The following SPNS3 variants were observed in gnomAD, a reference collection of about 807,000 sequenced individuals.
The protein encoded by SPNS3 is protein spinster homolog 3.
SPNS3 carries 51 observed loss-of-function variants against 54.4 expected under a neutral mutation model. The ratio of observed to expected loss-of-function variants is 0.94; its 90% CI spans 0.75 to 1.18. SPNS3 has a LOEUF of 1.18. SPNS3 is among the 50% of genes most tolerant of loss of function. The pLI is 0.00. For synonymous variants in SPNS3, 309 were observed against 294.7 expected, an observed-to-expected ratio of 1.05 and a Z score of -0.50; for missense variants, 669 against 677.4, an observed-to-expected ratio of 0.99 and a Z score of 0.14.
chr17:4,457,824 C>T (rs1029883510), intron 8 of SPNS3, among the ~76,000 whole-genome samples: 6 of 152,150 alleles, frequency 3.9e-5, no homozygotes, highest in Non-Finnish European at 8.8e-5. Flanking sequence ...GCGTCTTGGC[C>T]GCCAAAGCCA....
chr17:4,475,610 G>A (rs968702078), intron 8 of SPNS3, among the ~76,000 whole-genome samples: 3 of 152,190 alleles, frequency 2.0e-5, no homozygotes, highest in African/African-American at 7.2e-5. Context: ...GTCCGCGCCT[G>A]GGGCCTGTCT....
chr17:4,466,539 CAAAAA>C (rs71144202), intron 8 of SPNS3, among the ~76,000 whole-genome samples: 4 of 104,968 alleles, frequency 3.8e-5, no homozygotes, highest in Non-Finnish European at 3.8e-5. Flanking sequence ...GACTCTGTCT[CAAAAA>C]AAAAAAAAAA....
intron 8 of SPNS3, among the ~76,000 whole-genome samples, chr17:4,476,990 C>T (rs1265183146): frequency 6.6e-6 from 1 of 152,208 alleles, no homozygotes; most frequent in African/African-American, 2.4e-5. Context: ...CTGATCCTGA[C>T]TGTCCTTCAG....
chr17:4,443,194 C>T (rs1045628527), intron 2 of SPNS3, among the ~76,000 whole-genome samples: 4 of 152,186 alleles, frequency 2.6e-5, no homozygotes, highest in African/African-American at 9.6e-5. Flanking sequence ...CCTCAGCCTC[C>T]CCAGTAGCTG....
At chr17:4,473,893 G>A (rs1971921489) in intron 8 of SPNS3, among the ~76,000 whole-genome samples, 1 of 152,002 alleles carries the variant, frequency 6.6e-6, no homozygotes, top group Non-Finnish European at 1.5e-5. Flanking sequence ...GCGGAAACCT[G>A]GGCTATGTGA....
intron 1 of SPNS3, among the ~76,000 whole-genome samples, chr17:4,438,583 G>A (rs2143982891): frequency 6.6e-6 from 1 of 152,340 alleles, no homozygotes; most frequent in East Asian, 1.9e-4. Flanking sequence ...CTCTACATTA[G>A]GCTGGGTGCC....
Position 4,446,213 on chromosome 17 carries a change from G to T in SPNS3, c.554+14G>T. ...CCCCGTTGGAAGGTTGGTATCACCC[G>T]TGGGTCTACTTCCCCAGGTGGTAAA... is the stretch of plus-strand genomic sequence containing the variant. On this transcript the variant is annotated intron_variant, in intron 4 of 11. Transcript: ENST00000355530. 1.9e-6 allele frequency: 3 copies of T among 1,602,320 alleles called. No individual in the cohort carries two copies. Among genetic ancestry groups the T allele is most frequent in the Non-Finnish European group, 2.6e-6 (3 of 1,171,564 alleles).
intron 8 of SPNS3, among the ~76,000 whole-genome samples, chr17:4,463,605 G>A (rs4790631): frequency 0.13 from 19,621 of 150,824 alleles, 1,564 homozygotes; most frequent in Non-Finnish European, 0.18. Flanking sequence ...TGGGCGTGGC[G>A]GCATGCGCCT....
chr17:4,485,685 C>T (rs1032591765), intron 9 of SPNS3, among the ~76,000 whole-genome samples: 8 of 152,196 alleles, frequency 5.3e-5, no homozygotes, highest in Non-Finnish European at 8.8e-5. Flanking sequence ...CGTGAGCCAC[C>T]GCGCCTGGCC....
chr17:4,470,698 T>C (rs1971832508), intron 8 of SPNS3, among the ~76,000 whole-genome samples: 1 of 152,200 alleles, frequency 6.6e-6, no homozygotes, highest in South Asian at 2.1e-4. Context: ...TTCATATAAA[T>C]AGAATCATAT....
At chr17:4,477,876 A>T (rs1475916192) in intron 8 of SPNS3, among the ~76,000 whole-genome samples, 1 of 150,724 alleles carries the variant, frequency 6.6e-6, no homozygotes. Flanking sequence ...TTATCAGTGT[A>T]TACGGACTTT....
At chr17:4,456,376 T>G (rs1005017082) in intron 8 of SPNS3, among the ~76,000 whole-genome samples, 3 of 152,210 alleles carry the variant, frequency 2.0e-5, no homozygotes, top group Non-Finnish European at 4.4e-5. Flanking sequence ...TCTCTTGAGA[T>G]GTGGGCACTG....
intron 2 of SPNS3, 97 bp from the exon 3 acceptor site, chr17:4,444,935 G>A (rs2071244110): frequency 1.4e-6 from 2 of 1,404,972 alleles, no homozygotes; most frequent in Admixed American, 2.2e-5. Context: ...ATGCCAGCTT[G>A]TGGCATCTGA....
intron 9 of SPNS3, chr17:4,485,236 G>A (rs892754770): frequency 2.0e-5 from 3 of 152,108 alleles, no homozygotes; most frequent in African/African-American, 7.2e-5. Context: ...GACGAATAAC[G>A]ATAATGAATA....
chr17:4,458,810 G>A (rs1295149005), intron 8 of SPNS3, among the ~76,000 whole-genome samples: 2 of 151,534 alleles, frequency 1.3e-5, no homozygotes, highest in East Asian at 3.9e-4. Flanking sequence ...GTGTCACTGT[G>A]CCTGGCTGAC....
At position 4,486,254 on chromosome 17, in the gene SPNS3, GA is replaced by G. The variant is rs1972308911; in HGVS notation, c.1207del (p.Thr403ArgfsTer64). The G allele has an allele frequency of 8.9e-6, 14 of 1,571,750 alleles. No individual in the cohort carries two copies. Among genetic ancestry groups the G allele is most frequent in the Non-Finnish European group, 1.2e-5 (14 of 1,162,402 alleles). On this transcript the variant is annotated frameshift_variant, in exon 10 of 12. Transcript: ENST00000355530. LOFTEE classifies it high-confidence loss of function. This position sits in a 1 kb window ranked among gnomAD's most constrained non-coding sequence, Gnocchi z 5.5. ...LSVVVPRCRG[T>X]AEALQITVGH... ...CTGTGGTGGTGCCCAGATGCCGGGG[GA>G]CGGCAGAGGCACTTCAGATCACGGT...
chr17:4,446,200 G>T lies in SPNS3; in HGVS notation c.554+1G>T. 1.9e-6 allele frequency: 3 copies of T among 1,608,334 alleles called. No homozygotes were observed. Among genetic ancestry groups the T allele is most frequent in the South Asian group, 2.2e-5 (2 of 90,656 alleles). ...TCTACATCTTTATCCCCGTTGGAAGGTTGGTATCACCCGTGGGTCTACTTC... is the reference window on the plus strand; with the variant it reads ...TCTACATCTTTATCCCCGTTGGAAGTTTGGTATCACCCGTGGGTCTACTTC... On this transcript the variant is annotated splice_donor_variant, in intron 4 of 11. Transcript: ENST00000355530. LOFTEE classifies it high-confidence loss of function.
chr17:4,479,569 G>C (rs333131), intron 9 of SPNS3, among the ~76,000 whole-genome samples: 33,674 of 152,252 alleles, frequency 0.22, 4,011 homozygotes, highest in African/African-American at 0.31. Context: ...TGCCTTTGTA[G>C]ATAACGCAGG....
chr17:4,446,380 C>T (rs752877979), intron 4 of SPNS3, among the ~76,000 whole-genome samples, 181 bp downstream of exon 4: 1 of 152,102 alleles, frequency 6.6e-6, no homozygotes, highest in Non-Finnish European at 1.5e-5. Context: ...CATCTGTAAA[C>T]GGGGGCAGTG....
Sources: allele counts gnomAD v4.1 joint callset (sites outside exome capture counted in the v4.1 genomes callset), GRCh38; gene constraint gnomAD v4.1.1; non-coding constraint Gnocchi (gnomAD v3.1); transcripts MANE v1.5; gene names NCBI Gene and HGNC (gene_info 2026-07-23, HGNC 2026-07-21).